Variants in MAF observed in about 807,000 individuals in gnomAD.
MAF encodes transcription factor Maf.
A neutral mutation model predicts 22.0 loss-of-function variants in MAF; 10 were observed. The observed-to-expected ratio is 0.45, with a 90% CI of 0.28 to 0.77. The LOEUF (loss-of-function observed/expected upper bound fraction) is 0.77. Ranked by LOEUF, MAF falls within the 30% of genes least tolerant of loss-of-function variation. The pLI, the probability that MAF is intolerant of heterozygous loss-of-function variation, is 0.12. For synonymous variants in MAF, 337 were observed against 255.8 expected (o/e 1.32, Z -3.03); for missense variants, 544 against 548.4 (o/e 0.99, Z 0.08).
chr16:79,425,257 G>T, the MAF span, among the ~76,000 whole-genome samples: 2 of 152,006 alleles, frequency 1.3e-5, no homozygotes, highest in African/African-American at 2.4e-5. Context: ...TGTGATGGAG[G>T]TTCCTGTGGC....
At chr16:79,471,382 G>C in the MAF span, among the ~76,000 whole-genome samples, 1 of 152,228 alleles carries the variant, frequency 6.6e-6, no homozygotes, top group African/African-American at 2.4e-5. Flanking sequence ...TTTAGGCAGA[G>C]CACAATGGCT....
At chr16:79,434,139 A>C in the MAF span, among the ~76,000 whole-genome samples, 1 of 152,226 alleles carries the variant, frequency 6.6e-6, no homozygotes, top group Non-Finnish European at 1.5e-5. Flanking sequence ...ATGCAACTGC[A>C]CACTGGGCCA....
At chr16:79,361,541 T>C in the MAF span, among the ~76,000 whole-genome samples, 2 of 152,216 alleles carry the variant, frequency 1.3e-5, no homozygotes, top group Non-Finnish European at 2.9e-5. Context: ...GGGTGAGCCA[T>C]GCTAGCCGGC....
the MAF span, among the ~76,000 whole-genome samples, chr16:79,567,764 C>A: frequency 1.3e-5 from 2 of 152,250 alleles, no homozygotes; most frequent in Non-Finnish European, 2.9e-5. Context: ...GGGCAACAGG[C>A]TTTCCTATGT....
the MAF span, among the ~76,000 whole-genome samples, chr16:79,267,743 G>C: frequency 1.3e-5 from 2 of 152,198 alleles, no homozygotes; most frequent in Non-Finnish European, 2.9e-5. Context: ...GTTGTCAGGA[G>C]TAAGGGGAGA....
chr16:79,524,241 CA>C, the MAF span, among the ~76,000 whole-genome samples: 1 of 152,290 alleles, frequency 6.6e-6, no homozygotes, highest in South Asian at 2.1e-4. Flanking sequence ...AACCCTTCCG[CA>C]GGGGGAGTTA....
chr16:79,234,305 C>A, the MAF span, among the ~76,000 whole-genome samples: 1 of 151,970 alleles, frequency 6.6e-6, no homozygotes, highest in African/African-American at 2.4e-5. Context: ...TTCAAAGACC[C>A]CAGAGATGTC....
chr16:79,243,051 G>C, the MAF span, among the ~76,000 whole-genome samples: 1 of 152,028 alleles, frequency 6.6e-6, no homozygotes, highest in Non-Finnish European at 1.5e-5. Flanking sequence ...ATGTAAAGCA[G>C]TATGCAGAGG....
the MAF span, among the ~76,000 whole-genome samples, chr16:79,422,514 A>G: frequency 6.6e-6 from 1 of 152,126 alleles, no homozygotes; most frequent in Non-Finnish European, 1.5e-5. Context: ...TAGAGATTCA[A>G]TGAGCCTCTT....
the MAF span, among the ~76,000 whole-genome samples, chr16:79,556,899 T>C: frequency 6.6e-6 from 1 of 152,042 alleles, no homozygotes; most frequent in Non-Finnish European, 1.5e-5. Flanking sequence ...GTATGAGAAA[T>C]GTGATCAATA....
In MAF at chr16:79,599,113, C is replaced by T; in HGVS notation, c.790G>A (p.Glu264Lys). 2 of 1,600,502 alleles carry T rather than the reference C, an allele frequency of 1.2e-6. No individual in the cohort carries two copies. Among genetic ancestry groups the T allele is most frequent in the Non-Finnish European group, 8.5e-7 (1 of 1,178,106 alleles). The change falls in exon 1 of 2, where the codon GAG becomes AAG. Residue 264 changes from glutamate (E) to lysine (K), a missense_variant. This residue lies in a region of MAF where 342 missense variants were observed against 315.5 expected (regional missense o/e 1.08). Transcript: ENST00000326043. Reference sequence around the variant, plus strand: ...CGCACAGACATGGTCACCAGCTGCTCGTCGGAGAAGCGGTCGTCGAAGTGC... The same window carrying T: ...CGCACAGACATGGTCACCAGCTGCTTGTCGGAGAAGCGGTCGTCGAAGTGC... ...GLHFDDRFSD[E>K]QLVTMSVREL...
At chr16:79,528,866 A>T in the MAF span, among the ~76,000 whole-genome samples, 10 of 152,180 alleles carry the variant, frequency 6.6e-5, no homozygotes, top group Non-Finnish European at 1.3e-4. Context: ...GGAGCTGGCT[A>T]CCTGCAGTAA....
At chr16:79,460,352 T>C in the MAF span, among the ~76,000 whole-genome samples, 1 of 152,204 alleles carries the variant, frequency 6.6e-6, no homozygotes, top group Non-Finnish European at 1.5e-5. Flanking sequence ...GAAAAATGGA[T>C]AACCAATTGT....
At chr16:79,571,244 G>A in the MAF span, among the ~76,000 whole-genome samples, 1 of 152,140 alleles carries the variant, frequency 6.6e-6, no homozygotes, top group Non-Finnish European at 1.5e-5. Context: ...ATGAGCGGGA[G>A]GGAGGAAGGT....
the MAF span, among the ~76,000 whole-genome samples, chr16:79,577,291 T>A: frequency 2.0e-5 from 3 of 152,110 alleles, no homozygotes; most frequent in Non-Finnish European, 2.9e-5. Context: ...GCACCTGGGC[T>A]CCTACTACAT....
At chr16:79,517,151 C>A in the MAF span, among the ~76,000 whole-genome samples, 4 of 152,166 alleles carry the variant, frequency 2.6e-5, no homozygotes, top group South Asian at 8.3e-4. Context: ...GATTCTATCA[C>A]CACTGAGGTC....
the MAF span, among the ~76,000 whole-genome samples, chr16:79,289,035 G>A: frequency 6.6e-6 from 1 of 152,344 alleles, no homozygotes. Flanking sequence ...CAGCCTGTTT[G>A]TTTGTTAAAG....
At chr16:79,267,432 G>A in the MAF span, among the ~76,000 whole-genome samples, 1 of 152,234 alleles carries the variant, frequency 6.6e-6, no homozygotes, top group African/African-American at 2.4e-5. Flanking sequence ...GTGTACGTGT[G>A]TGGTATGGGA....
intron 1 of MAF, among the ~76,000 whole-genome samples, chr16:79,588,330 A>G (rs1452767605): frequency 1.3e-5 from 2 of 152,222 alleles, no homozygotes; most frequent in Non-Finnish European, 2.9e-5. Flanking sequence ...GTTTCAGCCC[A>G]GGCTCTGCGC....
Sources: allele counts gnomAD v4.1 joint callset (sites outside exome capture counted in the v4.1 genomes callset), GRCh38; gene constraint gnomAD v4.1.1; regional missense constraint gnomAD v4.1.1; transcripts MANE v1.5; gene names NCBI Gene and HGNC (gene_info 2026-07-23, HGNC 2026-07-21).